SOX6: variants seen among roughly 807,000 people sequenced by gnomAD.
The protein encoded by SOX6 is transcription factor SOX-6.
Under a neutral mutation model 97.8 loss-of-function variants are expected in SOX6, and 11 were observed. The observed-to-expected ratio is 0.11, with a 90% CI of 0.07 to 0.19. The LOEUF is 0.19. Ranked by LOEUF, SOX6 falls within the 10% of genes least tolerant of loss-of-function variation. The pLI is 1.00. For synonymous variants in SOX6, 360 were observed against 371.4 expected, an observed-to-expected ratio of 0.97 and a Z score of 0.35; for missense variants, 810 against 1,039.5, an observed-to-expected ratio of 0.78 and a Z score of 3.04.
At chr11:16,323,560 C>T (rs1296409398) in intron 2 of SOX6, among the ~76,000 whole-genome samples, 1 of 151,996 alleles carries the variant, frequency 6.6e-6, no homozygotes, top group East Asian at 1.9e-4. Flanking sequence ...CTATATCTTC[C>T]TTAACTTTGA....
At chr11:16,086,043 T>G (rs996184) in intron 9 of SOX6, among the ~76,000 whole-genome samples, 8,434 of 152,162 alleles carry the variant, frequency 0.055, 613 homozygotes, top group East Asian at 0.37. Context: ...GTTTTAGTAT[T>G]TTTTCTTTTT....
chr11:16,699,308 A>G (rs1202441920), intron 3 of SOX6, among the ~76,000 whole-genome samples: 2 of 152,180 alleles, frequency 1.3e-5, no homozygotes, highest in Admixed American at 1.3e-4. Flanking sequence ...ATAGCTAGTT[A>G]GCAGGGAACC....
chr11:16,124,179 ATACATTAATTCATTTATT>A (rs1849556873), intron 6 of SOX6, among the ~76,000 whole-genome samples: 1 of 152,246 alleles, frequency 6.6e-6, no homozygotes, highest in South Asian at 2.1e-4. Flanking sequence ...TCCCATGTGG[ATACATTAATTCATTTATT>A]AAACAAATGT....
At chr11:16,256,512 T>C (rs1479593464) in intron 3 of SOX6, among the ~76,000 whole-genome samples, 2 of 151,802 alleles carry the variant, frequency 1.3e-5, no homozygotes, top group African/African-American at 4.8e-5. Flanking sequence ...ATTCATGGTT[T>C]AAAAAAGAAC....
At chr11:16,531,045 T>C (rs1033589340) in intron 4 of SOX6, among the ~76,000 whole-genome samples, 1 of 148,720 alleles carries the variant, frequency 6.7e-6, no homozygotes. Flanking sequence ...TACAGATAGA[T>C]AGATATACAT....
intron 3 of SOX6, among the ~76,000 whole-genome samples, chr11:16,268,114 T>C (rs1207772985): frequency 6.6e-6 from 1 of 151,364 alleles, no homozygotes; most frequent in African/African-American, 2.4e-5. Flanking sequence ...GTGTTTTTTT[T>C]AGACATATTG....
chr11:16,389,796 G>A (rs1858108428), intron 1 of SOX6, among the ~76,000 whole-genome samples: 1 of 151,276 alleles, frequency 6.6e-6, no homozygotes, highest in Admixed American at 6.6e-5. Context: ...GTGAAACCCC[G>A]TCTCTACTAA....
intron 4 of SOX6, among the ~76,000 whole-genome samples, chr11:16,561,699 G>A (rs555811040): frequency 1.5e-4 from 23 of 152,214 alleles, no homozygotes; most frequent in Non-Finnish European, 2.8e-4. Context: ...TCTTTCAGGG[G>A]TCTAATTTTT....
intron 1 of SOX6, among the ~76,000 whole-genome samples, chr11:16,345,957 G>T (rs1012175976): frequency 7.9e-5 from 12 of 151,738 alleles, no homozygotes; most frequent in Admixed American, 7.2e-4. Flanking sequence ...CTGAATTTTT[G>T]AAAATATTTC....
intron 6 of SOX6, among the ~76,000 whole-genome samples, chr11:16,125,799 T>A (rs1264809675): frequency 8.4e-6 from 1 of 119,580 alleles, no homozygotes; most frequent in Non-Finnish European, 1.7e-5. Context: ...AACTTTCACA[T>A]GTTCTTAAAG....
chr11:16,467,333 C>A (rs942989315), intron 1 of SOX6, among the ~76,000 whole-genome samples: 2 of 152,156 alleles, frequency 1.3e-5, no homozygotes, highest in African/African-American at 4.8e-5. Flanking sequence ...AAGACACATG[C>A]ATGCATATGT....
At chr11:16,626,232 C>G (rs985728961) in intron 3 of SOX6, among the ~76,000 whole-genome samples, 11 of 152,188 alleles carry the variant, frequency 7.2e-5, no homozygotes, top group African/African-American at 2.7e-4. Context: ...GTGATGGAAA[C>G]AGGAGTTTTA....
chr11:16,283,904 TGAAA>T (rs1854654848), intron 3 of SOX6: 6 of 432,920 alleles, frequency 1.4e-5, no homozygotes, highest in Non-Finnish European at 1.8e-5. Flanking sequence ...CCAGAAATCT[TGAAA>T]GAAAGACTTG....
chr11:16,427,144 AG>A (rs1859158377), intron 1 of SOX6, among the ~76,000 whole-genome samples: 1 of 152,066 alleles, frequency 6.6e-6, no homozygotes, highest in African/African-American at 2.4e-5. Flanking sequence ...TAAACTAAAA[AG>A]CTTCTGCACA....
At position 16,153,600 on chromosome 11, in the gene SOX6, C is replaced by T. The variant is rs16932631; in HGVS notation, c.777+30286G>A. Among the ~76,000 whole-genome samples, 1,311 of 152,208 alleles carry T rather than the reference C, an allele frequency of 8.6e-3. 21 individuals carry two copies. The highest frequency in any genetic ancestry group is 0.03 in the African/African-American group (1,226 of 41,532). ...CAACTGAACACATAAGACTGAAACC[C>T]ACTGGGGTCCAACAGACTCAACCTA... On this transcript the variant is annotated intron_variant, in intron 6 of 15. Transcript: ENST00000683767.
chr11:16,608,779 T>C (rs1848364635), intron 4 of SOX6, among the ~76,000 whole-genome samples: 1 of 152,194 alleles, frequency 6.6e-6, no homozygotes, highest in African/African-American at 2.4e-5. Context: ...AATTCCACAA[T>C]TGTTATACTG....
chr11:16,066,369 A>G (rs1848094348), intron 9 of SOX6, among the ~76,000 whole-genome samples: 2 of 152,182 alleles, frequency 1.3e-5, no homozygotes, highest in African/African-American at 2.4e-5. Context: ...CTAATAATAG[A>G]GTTACCATAT....
intron 1 of SOX6, among the ~76,000 whole-genome samples, chr11:16,369,545 A>G (rs2134390374): frequency 6.6e-6 from 1 of 152,330 alleles, no homozygotes; most frequent in South Asian, 2.1e-4. Flanking sequence ...AGTTTTGTAA[A>G]CCAAGTCATT....
intron 3 of SOX6, among the ~76,000 whole-genome samples, chr11:16,626,609 A>T (rs1848626994): frequency 6.6e-6 from 1 of 152,158 alleles, no homozygotes; most frequent in South Asian, 2.1e-4. Context: ...TTGGGATTTT[A>T]TTTAATCTAT....
Sources: gnomAD v4.1 joint callset for allele counts (sites outside exome capture counted in the v4.1 genomes callset) on GRCh38, gnomAD v4.1.1 for gene constraint, MANE v1.5 for transcripts, NCBI Gene and HGNC (gene_info 2026-07-23, HGNC 2026-07-21) for gene names.